PTPRD: variants seen among roughly 807,000 people sequenced by gnomAD.
The protein encoded by PTPRD is receptor-type tyrosine-protein phosphatase delta.
In PTPRD, 34 loss-of-function variants were observed where a neutral mutation model predicts 214.5. That is an observed-to-expected ratio of 0.16 (90% CI 0.12 to 0.21). The LOEUF (loss-of-function observed/expected upper bound fraction) is 0.21. Among genes scored for constraint, PTPRD ranks in the 10% least tolerant of loss-of-function variants. The probability of loss-of-function intolerance (pLI) is 1.00; values close to 1 mark genes in which losing one functional copy is unlikely to be tolerated. For missense variants in PTPRD, 2,545 were observed against 2,398.7 expected (o/e 1.06, Z -1.27); for synonymous variants, 1,128 against 845.7 (o/e 1.33, Z -5.79).
At chr9:9,982,002 G>C (rs2095558513) in intron 4 of PTPRD, among the ~76,000 whole-genome samples, 1 of 152,128 alleles carries the variant, frequency 6.6e-6, no homozygotes, top group Non-Finnish European at 1.5e-5. Flanking sequence ...TTAATTATCA[G>C]TAAATGAGCA....
intron 8 of PTPRD, among the ~76,000 whole-genome samples, chr9:9,518,328 T>C (rs1388060448): frequency 6.6e-6 from 1 of 152,098 alleles, no homozygotes; most frequent in Admixed American, 6.6e-5. Flanking sequence ...GAAAATTCTT[T>C]TTTAGGCTAC....
chr9:10,289,919 G>C (rs1023574477), intron 3 of PTPRD, among the ~76,000 whole-genome samples: 2 of 152,122 alleles, frequency 1.3e-5, no homozygotes, highest in African/African-American at 4.8e-5. Flanking sequence ...AGCTGCTGAG[G>C]AGCGGTAGGG....
chr9:8,584,347 C>T (rs1349059900), intron 14 of PTPRD, among the ~76,000 whole-genome samples: 1 of 151,888 alleles, frequency 6.6e-6, no homozygotes, highest in African/African-American at 2.4e-5. Context: ...AACCAAACCC[C>T]AGACCATTAG....
intron 2 of PTPRD, among the ~76,000 whole-genome samples, chr9:10,571,435 G>A (rs1451523779): frequency 1.3e-5 from 2 of 152,096 alleles, no homozygotes; most frequent in Admixed American, 6.6e-5. Flanking sequence ...CATAAATGCT[G>A]TGTTAAATTT....
intron 10 of PTPRD, among the ~76,000 whole-genome samples, chr9:9,181,849 C>T (rs2099928404): frequency 6.6e-6 from 1 of 152,022 alleles, no homozygotes; most frequent in Non-Finnish European, 1.5e-5. Flanking sequence ...AGGAACATCA[C>T]TTGTATGATT....
At chr9:9,100,463 C>T (rs1309829032) in intron 10 of PTPRD, among the ~76,000 whole-genome samples, 2 of 152,178 alleles carry the variant, frequency 1.3e-5, no homozygotes, top group African/African-American at 4.8e-5. Flanking sequence ...TGGGGAACAC[C>T]ACCCCCACAT....
At chr9:9,891,843 A>T (rs972108640) in intron 5 of PTPRD, among the ~76,000 whole-genome samples, 1 of 152,188 alleles carries the variant, frequency 6.6e-6, no homozygotes, top group South Asian at 2.1e-4. Context: ...TTTAGATTTT[A>T]TCAAAGTATT....
chr9:9,450,950 T>C lies in PTPRD; in HGVS notation c.-236-53468A>G, dbSNP rs199784099. ...ACATCTAAGTAAATACATACATACA[T>C]ACACACACACACACACACACACACA... On this transcript the variant is annotated intron_variant, in intron 8 of 45. Transcript: ENST00000381196. Among the ~76,000 whole-genome samples, 225 of 136,664 alleles carry C rather than the reference T, an allele frequency of 1.6e-3. 1 individual carries two copies. The highest frequency in any genetic ancestry group is 3.6e-3 in the Middle Eastern group (1 of 276). 89.7% of individuals were successfully genotyped at this position (136,664 alleles called of 152,430 possible). A position where few individuals can be genotyped will look rare whatever the true frequency, so the allele number is the denominator to read the frequency against.
At chr9:10,256,094 T>C (rs1271051814) in intron 3 of PTPRD, among the ~76,000 whole-genome samples, 1 of 152,216 alleles carries the variant, frequency 6.6e-6, no homozygotes, top group Admixed American at 6.5e-5. Context: ...GTGCTCTTTA[T>C]AAGAATTTAA....
At chr9:8,938,344 T>C (rs928683962) in intron 11 of PTPRD, among the ~76,000 whole-genome samples, 1 of 151,880 alleles carries the variant, frequency 6.6e-6, no homozygotes, top group African/African-American at 2.4e-5. Context: ...AGAAATGAAT[T>C]CAAAACACAG....
chr9:9,877,738 G>A (rs2067292223), intron 5 of PTPRD, among the ~76,000 whole-genome samples: 1 of 152,114 alleles, frequency 6.6e-6, no homozygotes, highest in Admixed American at 6.6e-5. Context: ...ACTTTGGGAG[G>A]ACGAGGCAGG....
At chr9:10,457,637 G>A (rs1391688487) in intron 2 of PTPRD, among the ~76,000 whole-genome samples, 1 of 151,988 alleles carries the variant, frequency 6.6e-6, no homozygotes, top group Non-Finnish European at 1.5e-5. Flanking sequence ...GACAGTGTAT[G>A]TTTACTTGTA....
intron 6 of PTPRD, among the ~76,000 whole-genome samples, chr9:9,758,017 T>C (rs1000196841): frequency 1.3e-5 from 2 of 152,074 alleles, no homozygotes; most frequent in Admixed American, 6.5e-5. Context: ...CACTGCCATA[T>C]CTGCCGGTGA....
rs112059342 is a variant in PTPRD, at chr9:9,594,909, T to C, written c.-286-20128A>G. Among the ~76,000 whole-genome samples, 38 of 151,894 alleles carry C rather than the reference T, an allele frequency of 2.5e-4. 1 individual carries two copies. The highest frequency in any genetic ancestry group is 8.9e-4 in the African/African-American group (37 of 41,442). On this transcript the variant is annotated intron_variant, in intron 7 of 45. Coordinates refer to ENST00000381196, the MANE Select transcript of PTPRD (RefSeq NM_002839.4). ...AAGAAAAAACAAACAAACAATCCCT[T>C]CAAAAAGTGGGCTAAGGACATGAAT...
chr9:8,533,434 A>G lies in PTPRD; in HGVS notation c.353-4655T>C, dbSNP rs1191421739. On this transcript the variant is annotated intron_variant, in intron 14 of 45. Coordinates refer to ENST00000381196, the MANE Select transcript of PTPRD (RefSeq NM_002839.4). ...TATAAAGAAAAAGCGTGTCAATTAC[A>G]TCAATTACATCAATGCTTCTTCAAG... Among the ~76,000 whole-genome samples the G allele has an allele frequency of 3.3e-5, 5 of 152,188 alleles. No homozygotes were observed. The East Asian group carries it at 7.7e-4, about 24-fold the overall frequency.
chr9:10,299,524 T>C (rs1334759125), intron 3 of PTPRD, among the ~76,000 whole-genome samples: 9 of 151,808 alleles, frequency 5.9e-5, no homozygotes, highest in Admixed American at 4.6e-4. Context: ...GTGTAGGAGG[T>C]TTTTGTCAGG....
intron 14 of PTPRD, among the ~76,000 whole-genome samples, chr9:8,597,988 T>C (rs538665666): frequency 2.6e-5 from 4 of 152,338 alleles, no homozygotes; most frequent in African/African-American, 7.2e-5. Flanking sequence ...ATGCCATCTA[T>C]AAACATCTCT....
Position 8,341,981 on chromosome 9 carries a change from A to G in PTPRD, c.4662-3T>C. On this transcript the variant is annotated splice_region_variant and splice_polypyrimidine_tract_variant and intron_variant, in intron 39 of 45. Transcript: ENST00000381196. ...AACCAGTCCGGCCAACTCCCGCACT[A>G]TGAGGAAAATAGAGAAGAAAAGCCC... 6.3e-7 allele frequency: 1 copy of G among 1,594,368 alleles called. No homozygotes were observed. The highest frequency in any genetic ancestry group is 1.8e-5 in the Admixed American group (1 of 56,566).
intron 8 of PTPRD, among the ~76,000 whole-genome samples, chr9:9,463,333 A>G (rs1371060914): frequency 6.6e-6 from 1 of 152,096 alleles, no homozygotes; most frequent in Non-Finnish European, 1.5e-5. Context: ...ACATTAACCA[A>G]ATCTAGACTC....
Sources: gnomAD v4.1 joint callset for allele counts (sites outside exome capture counted in the v4.1 genomes callset) on GRCh38, gnomAD v4.1.1 for gene constraint, MANE v1.5 for transcripts, NCBI Gene and HGNC (gene_info 2026-07-23, HGNC 2026-07-21) for gene names.